Variants in AASDH observed in about 807,000 individuals in gnomAD.
The protein encoded by AASDH is aminoadipate-semialdehyde dehydrogenase, also known as beta-alanine-activating enzyme.
A neutral mutation model predicts 102.3 loss-of-function variants in AASDH; 81 were observed. That is an observed-to-expected ratio of 0.79 (90% confidence interval 0.66 to 0.95). The LOEUF is 0.95. Among genes scored for constraint, AASDH ranks in the 40% least tolerant of loss-of-function variants. AASDH has a pLI of 0.00. For missense variants in AASDH, 1,203 were observed against 1,266.2 expected (o/e 0.95, Z 0.76); for synonymous variants, 398 against 454.0 (o/e 0.88, Z 1.57).
At chr4:56,351,237 A>G (rs1285035171) in intron 10 of AASDH, 105 bp downstream of exon 10, 1 of 698,546 alleles carries the variant, frequency 1.4e-6, no homozygotes, top group East Asian at 2.8e-5. Flanking sequence ...CTGGGTAGCA[A>G]TAACATTCTC....
intron 5 of AASDH, among the ~76,000 whole-genome samples, chr4:56,365,937 T>A (rs1364198688): frequency 6.6e-6 from 1 of 152,144 alleles, no homozygotes; most frequent in East Asian, 1.9e-4. Flanking sequence ...AGGAGCTGGT[T>A]TTTTGAAAAG....
intron 5 of AASDH, among the ~76,000 whole-genome samples, chr4:56,364,738 C>T (rs1314713881): frequency 6.6e-6 from 1 of 152,190 alleles, no homozygotes; most frequent in Non-Finnish European, 1.5e-5. Flanking sequence ...TGGAAAGGAA[C>T]AACCAGTACC....
In AASDH at chr4:56,338,549, C is replaced by T. The variant is rs745396742; in HGVS notation, c.3150G>A (p.Leu1050=). ...TTTGCAATTGTCCACTCTGAGATTC[C>T]AAGATCCACACTTTCCCATCAGTAG... ...AASTDGKVWI[L]ESQSGQLQSV... The change falls in exon 15 of 15, where the codon TTG becomes TTA. Residue 1050 remains leucine, a synonymous_variant. Transcript: ENST00000205214. 2.5e-6 allele frequency: 4 copies of T among 1,613,908 alleles called. No individual in the cohort carries two copies. The Admixed American group carries it at 6.7e-5, about 27-fold the overall frequency.
intron 3 of AASDH, among the ~76,000 whole-genome samples, chr4:56,379,236 C>T (rs906942862): frequency 3.0e-4 from 45 of 152,086 alleles, no homozygotes; most frequent in Admixed American, 9.8e-4. Flanking sequence ...TGGGCTCAAG[C>T]GATCTTCCCA....
At chr4:56,376,212 G>A (rs1335013967) in intron 4 of AASDH, among the ~76,000 whole-genome samples, 1 of 151,812 alleles carries the variant, frequency 6.6e-6, no homozygotes, top group Non-Finnish European at 1.5e-5. Flanking sequence ...GTTTCTTAAA[G>A]ACAGAGTCCC....
At chr4:56,352,029 T>A (rs1478322050) in intron 9 of AASDH, among the ~76,000 whole-genome samples, 1 of 152,124 alleles carries the variant, frequency 6.6e-6, no homozygotes, top group Non-Finnish European at 1.5e-5. Context: ...TTACTGCATG[T>A]TGAAGTATAT....
rs1748809877 is a variant in AASDH at position 56,349,966 on chromosome 4, G to A, written c.1785C>T (p.Leu595=). 6.2e-7 allele frequency: 1 copy of A among 1,613,414 alleles called. No homozygotes were observed. The highest frequency in any genetic ancestry group is 1.3e-5 in the African/African-American group (1 of 74,898). Reference sequence around the variant, plus strand: ...CAACAAGTTTTTCAATCTCACTGAGGAGCCGGATGGACTTTAAGGAATCTC... The same window carrying A: ...CAACAAGTTTTTCAATCTCACTGAGAAGCCGGATGGACTTTAAGGAATCTC... ...SGGDSLKSIR[L]LSEIEKLVGT... The change falls in exon 11 of 15, where the codon CTC becomes CTT. Residue 595 remains leucine (L), a synonymous_variant. Transcript: ENST00000205214.
chr4:56,353,875 T>A (rs1013732169), intron 8 of AASDH, among the ~76,000 whole-genome samples, 164 bp downstream of exon 8: 1 of 152,206 alleles, frequency 6.6e-6, no homozygotes, highest in Non-Finnish European at 1.5e-5. Context: ...CTCTTCATGC[T>A]GGGGATAAGG....
At chr4:56,365,690 T>TA in intron 5 of AASDH, among the ~76,000 whole-genome samples, 1 of 152,126 alleles carries the variant, frequency 6.6e-6, no homozygotes, top group African/African-American at 2.4e-5. Context: ...AGACACAACA[T>TA]ACCAGAATCT....
In AASDH at chr4:56,386,822, A is replaced by AAAAT. The variant is rs58244004; in HGVS notation, c.-43+539_-43+540insATTT. On this transcript the variant is annotated intron_variant, in intron 1 of 14. Coordinates refer to ENST00000205214, the MANE Select transcript of AASDH (RefSeq NM_181806.4). ...CTCAAAAAAAAAAAAAAAAAAAAAAAGGAAAAAAAAAAGCAAACTCTGGTA... is the reference window on the plus strand; with the variant it reads ...CTCAAAAAAAAAAAAAAAAAAAAAAAAAATGGAAAAAAAAAAGCAAACTCTGGTA... Among the ~76,000 whole-genome samples, 267 of 145,030 alleles carry AAAAT rather than the reference A, an allele frequency of 1.8e-3. 2 individuals are homozygous for AAAAT. The highest frequency in any genetic ancestry group is 6.3e-3 in the African/African-American group (249 of 39,400).
intron 5 of AASDH, among the ~76,000 whole-genome samples, chr4:56,368,064 G>A (rs1038973897): frequency 6.6e-6 from 1 of 152,200 alleles, no homozygotes; most frequent in Admixed American, 6.5e-5. Context: ...CGAAGGATAT[G>A]AACAGACACT....
In AASDH at chr4:56,349,313, C is replaced by G. The variant is rs200919982; in HGVS notation, c.2438G>C (p.Arg813Pro). Residue 813 changes from arginine to proline, a missense_variant, in exon 11 of 15, where the codon CGA becomes CCA. By Grantham distance (103) the Arg-to-Pro change is moderately radical (BLOSUM62 -2). Transcript: ENST00000205214. ...AGATACACATGCTGAGGATTCAATTCGATCTCCCAAAATCTGTTCCCATTT... is the reference window on the plus strand; with the variant it reads ...AGATACACATGCTGAGGATTCAATTGGATCTCCCAAAATCTGTTCCCATTT... ...KVKWEQILGD[R>P]IESSACVSKC... is the part of the protein sequence containing the mutation. 6.2e-7 allele frequency: 1 copy of G among 1,614,168 alleles called. No individual in the cohort carries two copies. The highest frequency in any genetic ancestry group is 1.7e-5 in the Admixed American group (1 of 60,024).
rs1188327058 is a variant in AASDH, at chr4:56,378,359, A to G, written c.457T>C (p.Leu153=). 2 of 1,613,752 alleles carry G rather than the reference A, an allele frequency of 1.2e-6. No individual in the cohort carries two copies. The highest frequency in any genetic ancestry group is 1.7e-5 in the Admixed American group (1 of 59,984). ...TTCTCTTTTCCATCATTTAGCATCA[A>G]GTTCACCTCAGTATTTTTCCAGTGA... ...RLHWKNTEVN[L]MLNDGKEKYE... The change falls in exon 4 of 15, where the codon TTG becomes CTG. Residue 153 remains leucine, a synonymous_variant. Coordinates refer to ENST00000205214, the MANE Select transcript of AASDH (RefSeq NM_181806.4).
In AASDH at chr4:56,371,633, C is replaced by T. The variant is rs1560605885; in HGVS notation, c.679G>A (p.Asp227Asn). Residue 227 changes from aspartate (D) to asparagine (N), a missense_variant, in exon 5 of 15, where the codon GAC becomes AAC. By Grantham distance (23) the Asp-to-Asn change is conservative. Transcript: ENST00000205214. Reference protein sequence around the residue: ...PNIQHFRVLFDITQEDVLFLA... With the variant: ...PNIQHFRVLFNITQEDVLFLA... ...AACAAAACATCTTCTTGTGTGATGT[C>T]AAAAAGTACCCTAAGGCAAAACAGA... 5 of 1,602,404 alleles carry T rather than the reference C, an allele frequency of 3.1e-6. No homozygotes were observed. Among genetic ancestry groups the T allele is most frequent in the Non-Finnish European group, 4.2e-6 (5 of 1,177,530 alleles).
At chr4:56,360,345 G>A (rs1197463274) in intron 5 of AASDH, among the ~76,000 whole-genome samples, 3 of 152,174 alleles carry the variant, frequency 2.0e-5, no homozygotes, top group African/African-American at 7.2e-5. Flanking sequence ...CTAGGGAGCT[G>A]TAGGGCTCCC....
intron 5 of AASDH, among the ~76,000 whole-genome samples, chr4:56,364,197 T>C (rs1750694696): frequency 6.6e-6 from 1 of 152,128 alleles, no homozygotes; most frequent in African/African-American, 2.4e-5. Context: ...GAACAAAGCC[T>C]CCAAGAAATA....
chr4:56,339,508 TG>T (rs1206224426), intron 14 of AASDH, among the ~76,000 whole-genome samples: 1 of 152,034 alleles, frequency 6.6e-6, no homozygotes, highest in African/African-American at 2.4e-5. Context: ...CCCAGCATTT[TG>T]GGAGGCCAAG....
intron 4 of AASDH, 25 bp downstream of exon 4, chr4:56,378,123 G>C: frequency 6.4e-7 from 1 of 1,561,340 alleles, no homozygotes; most frequent in Non-Finnish European, 8.7e-7. Context: ...TAGATTCTGA[G>C]AAAGAGTCAA....
chr4:56,354,609 T>A lies in AASDH; in HGVS notation c.1210+96A>T, dbSNP rs1202811864. 4 of 866,974 alleles carry A rather than the reference T, an allele frequency of 4.6e-6. No individual in the cohort carries two copies. The African/African-American group carries it at 5.1e-5, about 11-fold the overall frequency. 53.7% of individuals were successfully genotyped at this position (866,974 alleles called of 1,614,324 possible). A position where few individuals can be genotyped will look rare whatever the true frequency, so the allele number is the denominator to read the frequency against. On this transcript the variant is annotated intron_variant, in intron 7 of 14. Coordinates refer to ENST00000205214, the MANE Select transcript of AASDH (RefSeq NM_181806.4). ...GAATAAAAATTATCACTGAAAAGCA[T>A]GAGATAGACAAAAGAAAAAGACGAA...
Sources: gnomAD v4.1 joint callset for allele counts (sites outside exome capture counted in the v4.1 genomes callset) on GRCh38, gnomAD v4.1.1 for gene constraint, MANE v1.5 for transcripts, NCBI Gene and HGNC (gene_info 2026-07-23, HGNC 2026-07-21) for gene names.